Variants in ROBO1 observed in about 807,000 individuals in gnomAD.
ROBO1 encodes the protein roundabout homolog 1.
In ROBO1, 149 loss-of-function variants were observed where a neutral mutation model predicts 195.9. The ratio of observed to expected loss-of-function variants is 0.76; its 90% CI spans 0.67 to 0.87. The LOEUF (loss-of-function observed/expected upper bound fraction) is 0.87, where lower values mean the gene tolerates loss of function less well. Among genes scored for constraint, ROBO1 ranks in the 40% least tolerant of loss-of-function variants. ROBO1 has a pLI of 0.00. For synonymous variants in ROBO1, 816 were observed against 733.2 expected (o/e 1.11, Z -1.82); for missense variants, 1,933 against 2,068.3 (o/e 0.93, Z 1.27).
At chr3:78,976,412 T>C (rs1386961940) in intron 3 of ROBO1, among the ~76,000 whole-genome samples, 1 of 152,172 alleles carries the variant, frequency 6.6e-6, no homozygotes, top group African/African-American at 2.4e-5. Flanking sequence ...ACTGTGCCGG[T>C]GAGTCTTTGC....
chr3:78,782,259 C>T (rs2083700255), intron 4 of ROBO1, among the ~76,000 whole-genome samples: 1 of 151,770 alleles, frequency 6.6e-6, no homozygotes, highest in Non-Finnish European at 1.5e-5. Context: ...TGTAGCAGTA[C>T]AGTCTCAGCT....
At chr3:78,907,959 A>T (rs329814) in intron 4 of ROBO1, among the ~76,000 whole-genome samples, 21 of 151,834 alleles carry the variant, frequency 1.4e-4, no homozygotes, top group East Asian at 5.8e-4. Flanking sequence ...AATGGAAAGA[A>T]GCTGTATGCC....
At chr3:79,520,541 G>A (rs1255604381) in intron 2 of ROBO1, among the ~76,000 whole-genome samples, 2 of 152,124 alleles carry the variant, frequency 1.3e-5, no homozygotes, top group African/African-American at 4.8e-5. Context: ...AACACAAAGT[G>A]TTATTCAGTT....
chr3:78,885,940 T>TATATATATATATATATATAC (rs1043908565), intron 4 of ROBO1, among the ~76,000 whole-genome samples: 3 of 140,804 alleles, frequency 2.1e-5, no homozygotes, highest in Non-Finnish European at 4.6e-5. Flanking sequence ...TATATATATA[T>TATATATATATATATATATAC]ACATACATAT....
At chr3:79,227,792 G>A (rs2082253207) in intron 2 of ROBO1, among the ~76,000 whole-genome samples, 1 of 152,132 alleles carries the variant, frequency 6.6e-6, no homozygotes, top group Non-Finnish European at 1.5e-5. Context: ...TACTTTATGG[G>A]TGAATAGTTT....
chr3:79,237,814 T>C (rs1001822161), intron 2 of ROBO1, among the ~76,000 whole-genome samples: 2 of 152,156 alleles, frequency 1.3e-5, no homozygotes, highest in Non-Finnish European at 2.9e-5. Flanking sequence ...GCCAAAGCTC[T>C]TGGATCCAAA....
intron 2 of ROBO1, among the ~76,000 whole-genome samples, chr3:79,473,666 A>G (rs1938401771): frequency 6.6e-6 from 1 of 152,160 alleles, no homozygotes; most frequent in South Asian, 2.1e-4. Context: ...AATAGCATTA[A>G]CATAATTTAA....
chr3:79,341,494 C>CTT (rs144363975), intron 2 of ROBO1, among the ~76,000 whole-genome samples: 2,863 of 147,982 alleles, frequency 0.019, 69 homozygotes, highest in African/African-American at 0.062. Context: ...ACCACTGGTT[C>CTT]TTTTTTTTTT....
intron 5 of ROBO1, among the ~76,000 whole-genome samples, chr3:78,734,397 C>CA (rs35325702): frequency 3.0e-4 from 40 of 134,908 alleles, no homozygotes; most frequent in Non-Finnish European, 4.3e-4. Flanking sequence ...CCCACCGCCA[C>CA]AAAAAAAAAA....
At chr3:79,538,535 C>G (rs1035773331) in intron 2 of ROBO1, among the ~76,000 whole-genome samples, 1 of 152,108 alleles carries the variant, frequency 6.6e-6, no homozygotes, top group Admixed American at 6.6e-5. Flanking sequence ...ACTTGCCTCT[C>G]AGCTACTCAA....
At chr3:78,919,432 A>T (rs1201024737) in intron 4 of ROBO1, among the ~76,000 whole-genome samples, 1 of 152,244 alleles carries the variant, frequency 6.6e-6, no homozygotes, top group African/African-American at 2.4e-5. Context: ...TGGGCCTAAA[A>T]GAAAGCTGAA....
chr3:78,924,863 T>A (rs1290366688), intron 4 of ROBO1, among the ~76,000 whole-genome samples: 1 of 152,096 alleles, frequency 6.6e-6, no homozygotes, highest in Non-Finnish European at 1.5e-5. Context: ...CTTAAATATT[T>A]AATATCTGTA....
intron 4 of ROBO1, among the ~76,000 whole-genome samples, chr3:78,903,572 C>T (rs2037715226): frequency 6.6e-6 from 1 of 151,708 alleles, no homozygotes; most frequent in African/African-American, 2.4e-5. Flanking sequence ...CACACACACA[C>T]ACACACACCT....
intron 2 of ROBO1, among the ~76,000 whole-genome samples, chr3:79,520,331 A>T (rs1284053878): frequency 2.0e-5 from 3 of 152,148 alleles, no homozygotes; most frequent in African/African-American, 7.2e-5. Flanking sequence ...AAGACAAATG[A>T]TAAGAAATTA....
chr3:79,390,455 A>T (rs753745730), intron 2 of ROBO1, among the ~76,000 whole-genome samples: 40 of 152,176 alleles, frequency 2.6e-4, no homozygotes, highest in Non-Finnish European at 5.0e-4. Flanking sequence ...ACCAACATTT[A>T]GACACCAGAA....
At chr3:78,721,848 AATTAACATTATATAT>A (rs2082052332) in intron 5 of ROBO1, among the ~76,000 whole-genome samples, 1 of 152,190 alleles carries the variant, frequency 6.6e-6, no homozygotes, top group African/African-American at 2.4e-5. Flanking sequence ...GTGGGCCACC[AATTAACATTATATAT>A]TACAGCCCAA....
At chr3:79,332,901 T>C (rs2034504030) in intron 2 of ROBO1, among the ~76,000 whole-genome samples, 1 of 152,068 alleles carries the variant, frequency 6.6e-6, no homozygotes, top group Non-Finnish European at 1.5e-5. Context: ...AAATAAATAA[T>C]AAAATATCAC....
At chr3:78,945,981 A>G (rs1438692848) in intron 3 of ROBO1, among the ~76,000 whole-genome samples, 2 of 151,940 alleles carry the variant, frequency 1.3e-5, no homozygotes, top group Non-Finnish European at 2.9e-5. Context: ...AAAAAAAAAT[A>G]AAAAGAAATC....
intron 4 of ROBO1, among the ~76,000 whole-genome samples, chr3:78,785,081 C>T (rs1288376609): frequency 6.6e-6 from 1 of 152,180 alleles, no homozygotes; most frequent in Non-Finnish European, 1.5e-5. Context: ...ACTGGACCTC[C>T]ACTTGCCAAG....
Sources: allele counts gnomAD v4.1 joint callset (sites outside exome capture counted in the v4.1 genomes callset), GRCh38; gene constraint gnomAD v4.1.1; transcripts MANE v1.5; gene names NCBI Gene and HGNC (gene_info 2026-07-23, HGNC 2026-07-21).